Variants in RFX6 observed in about 807,000 individuals in gnomAD.
The protein encoded by RFX6 is regulatory factor X6, also known as DNA-binding protein RFX6.
In RFX6, 50 loss-of-function variants were observed where a neutral mutation model predicts 110.8. The ratio of observed to expected loss-of-function variants is 0.45; its 90% CI spans 0.36 to 0.57. RFX6 has a LOEUF of 0.57. Among genes scored for constraint, RFX6 ranks in the 20% least tolerant of loss-of-function variants. The pLI is 0.00. For synonymous variants in RFX6, 383 were observed against 411.2 expected, an observed-to-expected ratio of 0.93 and a Z score of 0.83; for missense variants, 990 against 1,127.0, an observed-to-expected ratio of 0.88 and a Z score of 1.74.
intron 14 of RFX6, among the ~76,000 whole-genome samples, chr6:116,923,759 G>A (rs1195941722): frequency 3.3e-5 from 5 of 152,132 alleles, no homozygotes; most frequent in Non-Finnish European, 7.4e-5. Context: ...CATCTTTCCT[G>A]TTCTATATGA....
chr6:116,883,443 G>A (rs150191468), intron 4 of RFX6, among the ~76,000 whole-genome samples: 13 of 152,106 alleles, frequency 8.5e-5, no homozygotes, highest in African/African-American at 2.2e-4. Context: ...GTATAATGTG[G>A]CCACATATTT....
At chr6:116,887,100 A>G (rs1774715400) in intron 4 of RFX6, among the ~76,000 whole-genome samples, 1 of 152,098 alleles carries the variant, frequency 6.6e-6, no homozygotes, top group Non-Finnish European at 1.5e-5. Context: ...AAAAATAATA[A>G]AACAAAAAAA....
rs376320481 is a variant in RFX6, at chr6:116,877,304, C to T, written c.29C>T (p.Thr10Ile). MAKVPELED[T>I]FLQAQPAPQL... ...GCCAAGGTCCCGGAGCTGGAAGACA[C>T]CTTCCTGCAGGCGCAGCCTGCGCCC... The change falls in exon 1 of 19, where the codon ACC (threonine) becomes ATC (isoleucine). Residue 10 changes from threonine to isoleucine, a missense_variant. Physicochemically the swap from Thr to Ile is moderately conservative, Grantham distance 89. Coordinates refer to ENST00000332958, the MANE Select transcript of RFX6 (RefSeq NM_173560.4). 2 of 1,612,446 alleles carry T rather than the reference C, an allele frequency of 1.2e-6. No individual in the cohort carries two copies. Among genetic ancestry groups the T allele is most frequent in the South Asian group, 2.2e-5 (2 of 90,858 alleles).
At chr6:116,903,188 C>T (rs1291031897) in intron 6 of RFX6, among the ~76,000 whole-genome samples, 1 of 151,898 alleles carries the variant, frequency 6.6e-6, no homozygotes, top group Non-Finnish European at 1.5e-5. Flanking sequence ...GGATATTATT[C>T]GATTTATGCA....
intron 7 of RFX6, among the ~76,000 whole-genome samples, chr6:116,915,369 T>C (rs1175156706): frequency 6.6e-6 from 1 of 152,188 alleles, no homozygotes; most frequent in African/African-American, 2.4e-5. Context: ...GTTCCATATG[T>C]GTCACATCCT....
intron 2 of RFX6, among the ~76,000 whole-genome samples, chr6:116,878,962 T>C (rs1562130764): frequency 6.6e-6 from 1 of 151,976 alleles, no homozygotes; most frequent in African/African-American, 2.4e-5. Flanking sequence ...TTGAAGTTGA[T>C]GTCGTGGTTA....
intron 7 of RFX6, 44 bp downstream of exon 7, chr6:116,911,086 G>A (rs780653746): frequency 1.6e-6 from 2 of 1,277,476 alleles, no homozygotes; most frequent in Non-Finnish European, 1.1e-6. Flanking sequence ...TGATATGTTG[G>A]CTCCATATGT....
chr6:116,877,548 T>C (rs1355230665), intron 1 of RFX6, 50 bp downstream of exon 1: 6 of 1,359,530 alleles, frequency 4.4e-6, no homozygotes, highest in Non-Finnish European at 6.1e-6. Flanking sequence ...GGACGTATTC[T>C]AAGAAGGGCA....
At chr6:116,881,388 A>G (rs968808888) in intron 3 of RFX6, among the ~76,000 whole-genome samples, 2 of 152,056 alleles carry the variant, frequency 1.3e-5, no homozygotes, top group African/African-American at 4.8e-5. Context: ...ATCTTACACA[A>G]ATTGAAATCC....
chr6:116,880,855 CCTAA>C (rs1304829242), intron 3 of RFX6, among the ~76,000 whole-genome samples, 188 bp downstream of exon 3: 1 of 151,922 alleles, frequency 6.6e-6, no homozygotes, highest in African/African-American at 2.4e-5. Flanking sequence ...ATATTAGAAC[CCTAA>C]CTATTAGAAG....
chr6:116,931,363 T>G lies in RFX6; in HGVS notation c.2644T>G (p.Ser882Ala). 6.2e-7 allele frequency: 1 copy of G among 1,613,348 alleles called. No individual in the cohort carries two copies. Among genetic ancestry groups the G allele is most frequent in the Non-Finnish European group, 8.5e-7 (1 of 1,179,312 alleles). Residue 882 changes from serine (S) to alanine (A), a missense_variant, in exon 19 of 19, where the codon TCA becomes GCA. Coordinates refer to ENST00000332958, the MANE Select transcript of RFX6 (RefSeq NM_173560.4). ...TTTGCAAACCCCAATTCCTTCTTCC[T>G]CATCCCAATGTATGTATGGAACTTC... ...SSLQTPIPSS[S>A]SQCMYGTSNQ...
intron 7 of RFX6, among the ~76,000 whole-genome samples, chr6:116,914,520 A>T (rs1261451055): frequency 6.6e-6 from 1 of 152,196 alleles, no homozygotes; most frequent in Admixed American, 6.5e-5. Flanking sequence ...TAAACATATG[A>T]CTTGGAATAA....
At chr6:116,898,584 TAAAG>T (rs1775000203) in intron 6 of RFX6, among the ~76,000 whole-genome samples, 1 of 152,082 alleles carries the variant, frequency 6.6e-6, no homozygotes, top group South Asian at 2.1e-4. Flanking sequence ...CTGAAAATAT[TAAAG>T]AAAGGAAAGT....
rs557007740 is a variant in RFX6 at position 116,889,768 on chromosome 6, T to G, written c.567-4219T>G. On this transcript the variant is annotated intron_variant, in intron 4 of 18. Transcript: ENST00000332958. ...AGAGATTCTTTAATTTCTACCAAAT[T>G]TTAAATTGTGGTGATATGTTTAAGT... Among the ~76,000 whole-genome samples the G allele has an allele frequency of 2.6e-4, 40 of 152,266 alleles. 1 individual carries two copies. The South Asian group carries it at 8.3e-3, about 32-fold the overall frequency.
In RFX6 at chr6:116,931,598, A is replaced by C; in HGVS notation, c.*92A>C. ...ACTCAGACTTCCATAAGAGTAAATA[A>C]AAATGAATATGCAGTGGCTGACATT... On this transcript the variant is annotated 3_prime_UTR_variant, in exon 19 of 19. Transcript: ENST00000332958. The C allele has an allele frequency of 1.1e-6, 1 of 943,074 alleles. No individual in the cohort carries two copies. Among genetic ancestry groups the C allele is most frequent in the Non-Finnish European group, 1.6e-6 (1 of 611,692 alleles). The allele number at this position is 943,074 out of a possible 1,614,324, so 58.4% of individuals were successfully genotyped here.
intron 6 of RFX6, among the ~76,000 whole-genome samples, chr6:116,908,882 G>GTTTAATAT (rs1775272070): frequency 6.6e-6 from 1 of 151,912 alleles, no homozygotes; most frequent in South Asian, 2.1e-4. Flanking sequence ...ACTGAATTTT[G>GTTTAATAT]TTTAATATTT....
At chr6:116,900,032 A>T (rs948845905) in intron 6 of RFX6, among the ~76,000 whole-genome samples, 4 of 152,216 alleles carry the variant, frequency 2.6e-5, no homozygotes, top group African/African-American at 9.6e-5. Context: ...ACGCATGAAG[A>T]AAGGAGTACC....
intron 7 of RFX6, among the ~76,000 whole-genome samples, chr6:116,911,903 A>T (rs1582527599): frequency 6.6e-6 from 1 of 152,116 alleles, no homozygotes; most frequent in South Asian, 2.1e-4. Flanking sequence ...ACATTGATTT[A>T]AAAAAAATTT....
chr6:116,907,654 A>G (rs910445130), intron 6 of RFX6, among the ~76,000 whole-genome samples: 3 of 152,118 alleles, frequency 2.0e-5, no homozygotes, highest in Admixed American at 6.5e-5. Flanking sequence ...CATATGGTCT[A>G]TCCTGGAAGA....
Sources: gnomAD v4.1 joint callset for allele counts (sites outside exome capture counted in the v4.1 genomes callset) on GRCh38, gnomAD v4.1.1 for gene constraint, MANE v1.5 for transcripts, NCBI Gene and HGNC (gene_info 2026-07-23, HGNC 2026-07-21) for gene names.